Variants in LRCH3 observed in about 807,000 individuals in gnomAD.
LRCH3 encodes the protein DISP complex protein LRCH3.
In LRCH3, 68 loss-of-function variants were observed where a neutral mutation model predicts 104.5. That is an observed-to-expected ratio of 0.65 (90% CI 0.54 to 0.80). The LOEUF is 0.80. LRCH3 is among the 30% of genes least tolerant of loss of function. The pLI, the probability that LRCH3 is intolerant of heterozygous loss-of-function variation, is 0.00. For synonymous variants in LRCH3, 344 were observed against 361.3 expected (o/e 0.95, Z 0.54); for missense variants, 951 against 953.9 (o/e 1.00, Z 0.04).
chr3:197,860,187 A>C (rs1426707216), intron 15 of LRCH3, among the ~76,000 whole-genome samples: 2 of 152,058 alleles, frequency 1.3e-5, no homozygotes, highest in Admixed American at 6.6e-5. Context: ...GTTTTTGTAG[A>C]AACAAGGTCT....
intron 19 of LRCH3, among the ~76,000 whole-genome samples, chr3:197,875,108 A>C (rs1219550448): frequency 6.6e-6 from 1 of 151,880 alleles, no homozygotes. Context: ...TTTTTGTATT[A>C]TTAGTAGAGA....
intron 10 of LRCH3, 103 bp from the exon 11 acceptor site, chr3:197,847,306 A>T: frequency 9.3e-7 from 1 of 1,080,796 alleles, no homozygotes; most frequent in Non-Finnish European, 1.3e-6. Flanking sequence ...GCTACTGATT[A>T]ATAGAAAGCT....
chr3:197,818,247 A>G (rs1409307482), intron 3 of LRCH3, among the ~76,000 whole-genome samples: 1 of 152,216 alleles, frequency 6.6e-6, no homozygotes, highest in Non-Finnish European at 1.5e-5. Flanking sequence ...TTATGAATTG[A>G]TTACTAAAAT....
At chr3:197,853,464 A>G (rs1486492639) in intron 13 of LRCH3, among the ~76,000 whole-genome samples, 1 of 152,212 alleles carries the variant, frequency 6.6e-6, no homozygotes, top group Non-Finnish European at 1.5e-5. Context: ...CTGGAATTAC[A>G]GGCACTTAAT....
chr3:197,818,320 A>T (rs1001779832), intron 3 of LRCH3, among the ~76,000 whole-genome samples: 2 of 152,248 alleles, frequency 1.3e-5, no homozygotes, highest in Non-Finnish European at 2.9e-5. Context: ...GCCTAAGGTT[A>T]TATAACAGAA....
At chr3:197,870,064 G>A (rs914589335) in intron 17 of LRCH3, 96 bp from the exon 18 acceptor site, 1 of 1,257,628 alleles carries the variant, frequency 8.0e-7, no homozygotes, top group African/African-American at 1.5e-5. Context: ...AGAAAGCCAT[G>A]CACTGCACTT....
chr3:197,882,702 T>G, intron 20 of LRCH3: 1 of 985,352 alleles, frequency 1.0e-6, no homozygotes. Context: ...CCTTTTTCTC[T>G]CACAAGAAAG....
intron 10 of LRCH3, among the ~76,000 whole-genome samples, chr3:197,841,756 G>C (rs1334201186): frequency 6.6e-6 from 1 of 152,210 alleles, no homozygotes; most frequent in Non-Finnish European, 1.5e-5. Flanking sequence ...CATTGGAAGA[G>C]TCATTCAGGG....
chr3:197,850,835 A>G (rs1247237608), intron 12 of LRCH3: 2 of 1,064,640 alleles, frequency 1.9e-6, no homozygotes, highest in Admixed American at 1.7e-5. Flanking sequence ...CTTTTCGTAT[A>G]TGCATACCCT....
rs1308535332 is a variant in LRCH3 at position 197,883,210 on chromosome 3, T to C, written c.2209-331T>C. 7.8e-6 allele frequency: 8 copies of C among 1,028,422 alleles called. No homozygotes were observed. The highest frequency in any genetic ancestry group is 9.3e-6 in the Non-Finnish European group (8 of 857,526). 63.7% of individuals were successfully genotyped at this position (1,028,422 alleles called of 1,614,324 possible). ...CACCTGCCTATTTTATAGACCTGTA[T>C]TGACCTTTTATTCATCAGGGATAAA... is the stretch of plus-strand genomic sequence containing the variant. On this transcript the variant is annotated intron_variant, in intron 20 of 20. Transcript: ENST00000425562. This position sits in a 1 kb window ranked among gnomAD's most constrained non-coding sequence, Gnocchi z 4.2.
intron 7 of LRCH3, 88 bp from the exon 8 acceptor site, chr3:197,832,109 G>T: frequency 7.2e-7 from 1 of 1,380,044 alleles, no homozygotes; most frequent in Non-Finnish European, 9.8e-7. Context: ...TGATCCTCCT[G>T]CTTTGGTCTC....
intron 19 of LRCH3, 80 bp from the exon 20 acceptor site, chr3:197,875,618 C>T: frequency 9.6e-7 from 1 of 1,045,646 alleles, no homozygotes; most frequent in Non-Finnish European, 1.4e-6. Context: ...TGCGCCACTG[C>T]ACTCCAGCCT....
intron 1 of LRCH3, among the ~76,000 whole-genome samples, chr3:197,805,475 G>A (rs540272997): frequency 6.6e-6 from 1 of 152,034 alleles, no homozygotes; most frequent in East Asian, 1.9e-4. Flanking sequence ...AATGACAGCC[G>A]ACATGCAGAA....
At chr3:197,882,118 T>C in intron 20 of LRCH3, 1 of 985,414 alleles carries the variant, frequency 1.0e-6, no homozygotes, top group Non-Finnish European at 1.2e-6. Context: ...TACATTCTCT[T>C]GAGAACACAC....
At chr3:197,836,717 G>A (rs945455564) in intron 9 of LRCH3, among the ~76,000 whole-genome samples, 2 of 152,156 alleles carry the variant, frequency 1.3e-5, no homozygotes, top group African/African-American at 4.8e-5. Flanking sequence ...TCACTCTGTC[G>A]CCCAGGCTGG....
At chr3:197,838,078 G>A (rs116879008) in intron 9 of LRCH3, among the ~76,000 whole-genome samples, 4,295 of 151,826 alleles carry the variant, frequency 0.028, 78 homozygotes, top group Non-Finnish European at 0.04. Flanking sequence ...AAAAACTAGG[G>A]TGGTAAGCCA....
rs1372322240 is a variant in LRCH3, at chr3:197,854,465, C to T, written c.1644+20C>T. The T allele has an allele frequency of 2.5e-6, 4 of 1,610,874 alleles. No homozygotes were observed. Among genetic ancestry groups the T allele is most frequent in the Non-Finnish European group, 1.7e-6 (2 of 1,177,052 alleles). On this transcript the variant is annotated intron_variant, in intron 14 of 20. Coordinates refer to ENST00000425562, the MANE Select transcript of LRCH3 (RefSeq NM_001365715.1). This position sits in a 1 kb window ranked among gnomAD's most constrained non-coding sequence, Gnocchi z 4.5. The stretch of plus-strand genomic sequence containing the variant: ...TGCATGGTAAGAGTTTTGCACAAAA[C>T]GGAGTTTCGCATTTCTGTGTTTAGA...
chr3:197,861,557 T>C (rs777980338), intron 15 of LRCH3, among the ~76,000 whole-genome samples: 11 of 152,354 alleles, frequency 7.2e-5, no homozygotes, highest in Middle Eastern at 3.4e-3. Context: ...TTAAGATAGA[T>C]AAGTCTTTTT....
rs575041922 is a variant in LRCH3 at position 197,820,201 on chromosome 3, A to G, written c.535-124A>G. ...CTGTAGGTAGTCTCTTTTCAGAACC[A>G]TTGAATTAAGCTATTAAGTGAGATA... is the stretch of plus-strand genomic sequence containing the variant. On this transcript the variant is annotated intron_variant, in intron 3 of 20. Coordinates refer to ENST00000425562, the MANE Select transcript of LRCH3 (RefSeq NM_001365715.1). 352 of 689,354 alleles carry G rather than the reference A, an allele frequency of 5.1e-4. 1 individual carries two copies. The highest frequency in any genetic ancestry group is 5.0e-3 in the Middle Eastern group (14 of 2,788). 42.7% of individuals were successfully genotyped at this position (689,354 alleles called of 1,614,324 possible).
Sources: allele counts gnomAD v4.1 joint callset (sites outside exome capture counted in the v4.1 genomes callset), GRCh38; gene constraint gnomAD v4.1.1; non-coding constraint Gnocchi (gnomAD v3.1); transcripts MANE v1.5; gene names NCBI Gene and HGNC (gene_info 2026-07-23, HGNC 2026-07-21).